Variants in LRBA observed in about 807,000 individuals in gnomAD.
LRBA encodes LPS responsive beige-like anchor protein.
In LRBA, 176 loss-of-function variants were observed where a neutral mutation model predicts 330.0. That is an observed-to-expected ratio of 0.53 (90% CI 0.47 to 0.60). The LOEUF is 0.60. LRBA is among the 20% of genes least tolerant of loss of function. The probability of loss-of-function intolerance (pLI) is 0.00; values close to 1 mark genes in which losing one functional copy is unlikely to be tolerated. For synonymous variants in LRBA, 1,230 were observed against 1,193.0 expected, an observed-to-expected ratio of 1.03 and a Z score of -0.64; for missense variants, 3,259 against 3,444.8, an observed-to-expected ratio of 0.95 and a Z score of 1.35.
chr4:150,853,006 T>A, intron 22 of LRBA, 63 bp from the exon 23 acceptor site: 1 of 860,362 alleles, frequency 1.2e-6, no homozygotes, highest in South Asian at 2.7e-5. Flanking sequence ...ATACAAAATA[T>A]AAAACTAAAT....
At chr4:150,516,577 AT>A (rs1358289258) in intron 40 of LRBA, among the ~76,000 whole-genome samples, 1 of 152,110 alleles carries the variant, frequency 6.6e-6, no homozygotes, top group Non-Finnish European at 1.5e-5. Flanking sequence ...AAAATAAAAA[AT>A]GAATAGAAAA....
chr4:150,590,650 T>A, intron 39 of LRBA, 63 bp downstream of exon 39: 1 of 1,474,576 alleles, frequency 6.8e-7, no homozygotes, highest in Non-Finnish European at 9.3e-7. Flanking sequence ...GCTGAAAAAG[T>A]AAGTAATTAT....
chr4:150,950,124 T>C (rs1023020023), intron 2 of LRBA, among the ~76,000 whole-genome samples: 12 of 152,112 alleles, frequency 7.9e-5, no homozygotes, highest in African/African-American at 2.2e-4. Flanking sequence ...CTTTTTAAAT[T>C]TGCATTTATC....
intron 2 of LRBA, among the ~76,000 whole-genome samples, chr4:151,007,977 C>T (rs1245792514): frequency 6.6e-6 from 1 of 151,566 alleles, no homozygotes; most frequent in Non-Finnish European, 1.5e-5. Context: ...GTAATGAACA[C>T]AGGATGTAAA....
At chr4:150,655,014 G>A (rs986877576) in intron 37 of LRBA, among the ~76,000 whole-genome samples, 1 of 152,128 alleles carries the variant, frequency 6.6e-6, no homozygotes, top group Non-Finnish European at 1.5e-5. Flanking sequence ...ACGTGTGCAT[G>A]TGTCTTTATA....
chr4:150,613,260 G>A (rs554627305), intron 37 of LRBA, among the ~76,000 whole-genome samples: 2 of 152,212 alleles, frequency 1.3e-5, no homozygotes, highest in East Asian at 1.9e-4. Flanking sequence ...TCCAATAAGA[G>A]AAACAGATAT....
At chr4:150,330,486 C>T (rs1429415439) in intron 48 of LRBA, among the ~76,000 whole-genome samples, 1 of 152,178 alleles carries the variant, frequency 6.6e-6, no homozygotes, top group Admixed American at 6.5e-5. Context: ...TCATGGAAGA[C>T]AGTTTTTCCA....
At chr4:150,277,397 C>A (rs1290041787) in intron 56 of LRBA, among the ~76,000 whole-genome samples, 2 of 151,938 alleles carry the variant, frequency 1.3e-5, no homozygotes, top group Non-Finnish European at 2.9e-5. Flanking sequence ...TGCACATGTA[C>A]CCCAGAACTT....
At chr4:150,653,730 G>A (rs1232708621) in intron 37 of LRBA, among the ~76,000 whole-genome samples, 1 of 152,058 alleles carries the variant, frequency 6.6e-6, no homozygotes, top group East Asian at 1.9e-4. Context: ...TTCGCTTCTC[G>A]ATTTTTAATA....
intron 28 of LRBA, chr4:150,840,733 C>T (rs1347704941): frequency 5.8e-6 from 1 of 173,904 alleles, no homozygotes; most frequent in Non-Finnish European, 1.2e-5. Context: ...AAAGTACATG[C>T]TGTTGGATAA....
chr4:150,657,047 C>A (rs968872677), intron 37 of LRBA, among the ~76,000 whole-genome samples: 3 of 152,170 alleles, frequency 2.0e-5, no homozygotes, highest in Non-Finnish European at 4.4e-5. Context: ...GGAGGAATCT[C>A]TACTCACATT....
At chr4:150,621,652 A>T (rs992393637) in intron 37 of LRBA, among the ~76,000 whole-genome samples, 1 of 152,218 alleles carries the variant, frequency 6.6e-6, no homozygotes. Flanking sequence ...TATACTACTT[A>T]AAAAATATAT....
At chr4:150,654,787 T>C (rs1468189900) in intron 37 of LRBA, among the ~76,000 whole-genome samples, 1 of 152,028 alleles carries the variant, frequency 6.6e-6, no homozygotes, top group Non-Finnish European at 1.5e-5. Flanking sequence ...AGTGAGAACA[T>C]GCGGTGTTTG....
At chr4:150,566,674 C>T (rs904643178) in intron 40 of LRBA, among the ~76,000 whole-genome samples, 2 of 151,990 alleles carry the variant, frequency 1.3e-5, no homozygotes, top group African/African-American at 2.4e-5. Flanking sequence ...TAATAATGAC[C>T]ATCACAAAAA....
intron 36 of LRBA, among the ~76,000 whole-genome samples, chr4:150,708,613 T>C (rs1019940599): frequency 1.3e-5 from 2 of 151,832 alleles, no homozygotes; most frequent in African/African-American, 4.8e-5. Context: ...ATCTCACAAA[T>C]GCTAGTTTGA....
Position 150,350,567 on chromosome 4 carries a change from CA to C in LRBA, c.7195-409del, listed in dbSNP as rs34934931. 2.0e-3 allele frequency among the ~76,000 whole-genome samples: 273 copies of C among 138,398 alleles called. 1 individual carries two copies. Among genetic ancestry groups the C allele is most frequent in the African/African-American group, 6.1e-3 (222 of 36,652 alleles). 90.8% of individuals were successfully genotyped at this position (138,398 alleles called of 152,430 possible). A position where few individuals can be genotyped will look rare whatever the true frequency, so the allele number is the denominator to read the frequency against. ...CCTGGAAAAGAGCGAAACTCCATCT[CA>C]AAAAAAAAAAAAAGAAAGAAACTTA... On this transcript the variant is annotated intron_variant, in intron 47 of 56. Transcript: ENST00000651943.
At chr4:150,979,111 A>G (rs2149600678) in intron 2 of LRBA, among the ~76,000 whole-genome samples, 1 of 152,340 alleles carries the variant, frequency 6.6e-6, no homozygotes, top group African/African-American at 2.4e-5. Context: ...CCCAAAGATC[A>G]ATAATAAGGA....
chr4:150,839,443 T>C (rs1748697518), intron 28 of LRBA, among the ~76,000 whole-genome samples: 1 of 152,198 alleles, frequency 6.6e-6, no homozygotes, highest in Admixed American at 6.5e-5. Context: ...CACACGTATG[T>C]TCACTGCAGG....
intron 37 of LRBA, among the ~76,000 whole-genome samples, chr4:150,666,876 C>G (rs1781611214): frequency 6.6e-6 from 1 of 152,038 alleles, no homozygotes; most frequent in Admixed American, 6.5e-5. Flanking sequence ...TTTCTGTACC[C>G]AGGACTATGT....
Sources: gnomAD v4.1 joint callset for allele counts (sites outside exome capture counted in the v4.1 genomes callset) on GRCh38, gnomAD v4.1.1 for gene constraint, MANE v1.5 for transcripts, NCBI Gene and HGNC (gene_info 2026-07-23, HGNC 2026-07-21) for gene names.